The following NNT variants were observed in gnomAD, a reference collection of about 807,000 sequenced individuals.
The protein encoded by NNT is nicotinamide nucleotide transhydrogenase.
Under a neutral mutation model 104.8 loss-of-function variants are expected in NNT, and 50 were observed. The ratio of observed to expected loss-of-function variants is 0.48; its 90% CI spans 0.38 to 0.60. The LOEUF is 0.60. NNT is among the 20% of genes least tolerant of loss of function. The probability of loss-of-function intolerance (pLI) is 0.00; values close to 1 mark genes in which losing one functional copy is unlikely to be tolerated. For synonymous variants in NNT, 461 were observed against 490.4 expected (o/e 0.94, Z 0.79); for missense variants, 1,131 against 1,330.7 (o/e 0.85, Z 2.33).
chr5:43,675,163 G>T (rs1367288853), intron 17 of NNT, among the ~76,000 whole-genome samples: 2 of 152,176 alleles, frequency 1.3e-5, no homozygotes, highest in African/African-American at 4.8e-5. Flanking sequence ...TCAGCTGAGA[G>T]ATAAAATTGT....
intron 17 of NNT, among the ~76,000 whole-genome samples, chr5:43,665,030 T>C (rs1462931313): frequency 2.0e-5 from 3 of 151,980 alleles, no homozygotes; most frequent in Admixed American, 6.6e-5. Context: ...TTCATTCAGT[T>C]TTATAGGAGG....
intron 17 of NNT, among the ~76,000 whole-genome samples, chr5:43,671,268 A>C (rs1376607706): frequency 6.6e-6 from 1 of 152,198 alleles, no homozygotes; most frequent in Non-Finnish European, 1.5e-5. Context: ...TAATTGGAGC[A>C]TTTAGCCCAT....
chr5:43,677,522 T>C (rs559550709), intron 18 of NNT, among the ~76,000 whole-genome samples: 1 of 151,920 alleles, frequency 6.6e-6, no homozygotes, highest in East Asian at 1.9e-4. Flanking sequence ...TACAGAAGAT[T>C]GAGGAGCAAT....
At chr5:43,613,661 A>G (rs1197618431) in intron 3 of NNT, 1 of 152,562 alleles carries the variant, frequency 6.6e-6, no homozygotes, top group Non-Finnish European at 1.5e-5. Context: ...GTAATATATA[A>G]CAGAAATCTA....
At chr5:43,671,348 C>G (rs1217693207) in intron 17 of NNT, among the ~76,000 whole-genome samples, 3 of 152,122 alleles carry the variant, frequency 2.0e-5, no homozygotes, top group Non-Finnish European at 4.4e-5. Context: ...GGTTATTTTG[C>G]TCGTTAGTTG....
chr5:43,636,577 A>G (rs1750941059), intron 7 of NNT, among the ~76,000 whole-genome samples: 1 of 152,192 alleles, frequency 6.6e-6, no homozygotes, highest in South Asian at 2.1e-4. Flanking sequence ...TTTTGTAGTA[A>G]CAAAATAATA....
In NNT at chr5:43,706,138, T is replaced by C. The variant is rs1230550186; in HGVS notation, c.*1734T>C. Reference sequence around the variant, plus strand: ...TTATTCTTTGCTATTTGCCAATCCTTTGTCATCAATTGTGTTAAATGAATT... The same window carrying C: ...TTATTCTTTGCTATTTGCCAATCCTCTGTCATCAATTGTGTTAAATGAATT... On this transcript the variant is annotated 3_prime_UTR_variant, in exon 22 of 22. Coordinates refer to ENST00000344920, the MANE Select transcript of NNT (RefSeq NM_182977.3). 1 of 151,582 alleles carries C rather than the reference T, an allele frequency of 6.6e-6. No individual in the cohort carries two copies. Among genetic ancestry groups the C allele is most frequent in the African/African-American group, 2.4e-5 (1 of 41,406 alleles). 9.4% of individuals were successfully genotyped at this position (151,582 alleles called of 1,614,324 possible).
Position 43,624,060 on chromosome 5 carries a change from G to T in NNT, c.716G>T (p.Gly239Val). ...KILIVGGGVA[G>V]LASAGAAKSM... ...CTGATAGTTGGTGGTGGTGTTGCTG[G>T]GCTTGCTTCTGCAGGCGCAGCAAAG... is the stretch of plus-strand genomic sequence containing the variant. The change falls in exon 6 of 22, where the codon GGG becomes GTG. Residue 239 changes from glycine to valine, a missense_variant. By Grantham distance (109) the Gly-to-Val change is moderately radical. Coordinates refer to ENST00000344920, the MANE Select transcript of NNT (RefSeq NM_182977.3). 1 of 1,614,110 alleles carries T rather than the reference G, an allele frequency of 6.2e-7. No individual in the cohort carries two copies. Among genetic ancestry groups the T allele is most frequent in the Non-Finnish European group, 8.5e-7 (1 of 1,180,012 alleles).
At chr5:43,628,507 A>G (rs1192764744) in intron 7 of NNT, 120 bp downstream of exon 7, 10 of 650,064 alleles carry the variant, frequency 1.5e-5, no homozygotes, top group Non-Finnish European at 2.4e-5. Flanking sequence ...AGTACTTTCT[A>G]TTATAAAAGT....
intron 19 of NNT, among the ~76,000 whole-genome samples, chr5:43,686,940 T>C (rs1376938133): frequency 1.3e-5 from 2 of 152,168 alleles, no homozygotes; most frequent in Non-Finnish European, 2.9e-5. Flanking sequence ...TCTAGAACTC[T>C]TAACTGCTAC....
At position 43,649,132 on chromosome 5, in the gene NNT, A is replaced by G. The variant is rs369296358; in HGVS notation, c.1445-15A>G. On this transcript the variant is annotated splice_polypyrimidine_tract_variant and intron_variant, in intron 10 of 21. Coordinates refer to ENST00000344920, the MANE Select transcript of NNT (RefSeq NM_182977.3). ...GGATGTCAGCTCAAACACACTCTTT[A>G]CTCTCTTTCTCTAGGTCTCACAGGG... The G allele has an allele frequency of 1.2e-6, 2 of 1,613,446 alleles. No homozygotes were observed. The highest frequency in any genetic ancestry group is 1.7e-6 in the Non-Finnish European group (2 of 1,179,620).
At chr5:43,626,197 T>C (rs1349555700) in intron 6 of NNT, among the ~76,000 whole-genome samples, 1 of 152,180 alleles carries the variant, frequency 6.6e-6, no homozygotes, top group Non-Finnish European at 1.5e-5. Context: ...TAGTACCAAT[T>C]TCATTTTTCT....
Position 43,673,942 on chromosome 5 carries a change from C to T in NNT, c.2635-1569C>T, listed in dbSNP as rs145800653. On this transcript the variant is annotated intron_variant, in intron 17 of 21. Transcript: ENST00000344920. Reference sequence around the variant, plus strand: ...GGCTGAGGCAGGAAAATCTCTTGAACCCAGGAGGCGGAGGTTGCAGTGAGC... The same window carrying T: ...GGCTGAGGCAGGAAAATCTCTTGAATCCAGGAGGCGGAGGTTGCAGTGAGC... Among the ~76,000 whole-genome samples, 866 of 151,932 alleles carry T rather than the reference C, an allele frequency of 5.7e-3. 6 individuals are homozygous for T. Among genetic ancestry groups the T allele is most frequent in the African/African-American group, 0.019 (786 of 41,398 alleles).
In NNT at chr5:43,609,268, G is replaced by T; in HGVS notation, c.73G>T (p.Gly25Cys). 6 of 1,613,942 alleles carry T rather than the reference G, an allele frequency of 3.7e-6. No homozygotes were observed. The highest frequency in any genetic ancestry group is 5.1e-6 in the Non-Finnish European group (6 of 1,179,922). The change falls in exon 2 of 22, where the codon GGT (glycine) becomes TGT (cysteine). Residue 25 changes from glycine (G) to cysteine (C), a missense_variant. Gly to Cys is a radical substitution (Grantham distance 159). Coordinates refer to ENST00000344920, the MANE Select transcript of NNT (RefSeq NM_182977.3). ...PLLSNLGSCK[G>C]LRVKKDFLRT... ...ACTTAGCAATTTGGGGTCCTGTAAGGGTCTACGTGTGAAGAAGGATTTTTT... is the reference window on the plus strand; with the variant it reads ...ACTTAGCAATTTGGGGTCCTGTAAGTGTCTACGTGTGAAGAAGGATTTTTT...
chr5:43,645,649 ATCTATCTC>A (rs1271268763), intron 10 of NNT, 139 bp downstream of exon 10: 111 of 141,050 alleles, frequency 7.9e-4, no homozygotes, highest in African/African-American at 2.1e-3. Context: ...ACATCTATCT[ATCTATCTC>A]TCTCTCTCTC....
intron 17 of NNT, among the ~76,000 whole-genome samples, chr5:43,674,042 A>G (rs546651482): frequency 1.6e-4 from 24 of 151,664 alleles, no homozygotes; most frequent in African/African-American, 5.8e-4. Context: ...AAAAGACATC[A>G]CTTTAATTCT....
At chr5:43,631,477 C>T (rs1010370959) in intron 7 of NNT, among the ~76,000 whole-genome samples, 3 of 151,952 alleles carry the variant, frequency 2.0e-5, no homozygotes, top group Non-Finnish European at 4.4e-5. Flanking sequence ...TGCGCATTAG[C>T]GGGGAAGTTA....
Position 43,695,809 on chromosome 5 carries a change from A to T in NNT, c.2877-4310A>T, listed in dbSNP as rs575120627. 1.5e-4 allele frequency among the ~76,000 whole-genome samples: 23 copies of T among 152,312 alleles called. No homozygotes were observed. In the East Asian group the frequency reaches 2.1e-3, roughly 14 times the overall value. On this transcript the variant is annotated intron_variant, in intron 19 of 21. Coordinates refer to ENST00000344920, the MANE Select transcript of NNT (RefSeq NM_182977.3). The stretch of plus-strand genomic sequence containing the variant: ...AAGGATCAAGTCACATCTTACATGG[A>T]TGGGAGCAAGCCAAAAAAGAGAGCT...
At position 43,623,900 on chromosome 5, in the gene NNT, A is replaced by G. The variant is rs146219522; in HGVS notation, c.688-132A>G. ...TACTCCATACAGTTACTAAGGGCTG[A>G]TCATCATTATCACCATCTGCACCGC... On this transcript the variant is annotated intron_variant, in intron 5 of 21. Coordinates refer to ENST00000344920, the MANE Select transcript of NNT (RefSeq NM_182977.3). 537 of 815,244 alleles carry G rather than the reference A, an allele frequency of 6.6e-4. 1 individual carries two copies. In the African/African-American group the frequency reaches 8.0e-3, roughly 12 times the overall value. The allele number at this position is 815,244 out of a possible 1,614,324, so 50.5% of individuals were successfully genotyped here.
Sources: gnomAD v4.1 joint callset for allele counts (sites outside exome capture counted in the v4.1 genomes callset) on GRCh38, gnomAD v4.1.1 for gene constraint, MANE v1.5 for transcripts, NCBI Gene and HGNC (gene_info 2026-07-23, HGNC 2026-07-21) for gene names.